GRXCR1: variants seen among roughly 807,000 people sequenced by gnomAD.
GRXCR1 encodes glutaredoxin and cysteine rich domain containing 1.
Under a neutral mutation model 27.3 loss-of-function variants are expected in GRXCR1, and 27 were observed. The ratio of observed to expected loss-of-function variants is 0.99; its 90% CI spans 0.73 to 1.37. GRXCR1 has a LOEUF of 1.37. GRXCR1 is among the 40% of genes most tolerant of loss of function. The probability of loss-of-function intolerance (pLI) is 0.00; values close to 1 mark genes in which losing one functional copy is unlikely to be tolerated. For missense variants in GRXCR1, 379 were observed against 354.4 expected (o/e 1.07, Z -0.56); for synonymous variants, 122 against 131.1 (o/e 0.93, Z 0.47).
intron 1 of GRXCR1, among the ~76,000 whole-genome samples, chr4:42,952,321 A>G (rs1747903030): frequency 6.6e-6 from 1 of 152,096 alleles, no homozygotes; most frequent in Non-Finnish European, 1.5e-5. Flanking sequence ...AGTGAGACCA[A>G]TTCTCCAAAG....
chr4:43,019,379 A>G (rs1026435798), intron 2 of GRXCR1, among the ~76,000 whole-genome samples: 2 of 152,208 alleles, frequency 1.3e-5, no homozygotes, highest in Non-Finnish European at 2.9e-5. Flanking sequence ...CACCCTGCTT[A>G]GCACAAGTAG....
chr4:42,932,599 T>G (rs1260300240), intron 1 of GRXCR1, among the ~76,000 whole-genome samples: 2 of 57,730 alleles, frequency 3.5e-5, no homozygotes, highest in East Asian at 1.1e-3. Context: ...TATATATATA[T>G]ATATATATAT....
At chr4:43,003,862 A>C (rs569890872) in intron 2 of GRXCR1, among the ~76,000 whole-genome samples, 6 of 152,378 alleles carry the variant, frequency 3.9e-5, no homozygotes, top group Non-Finnish European at 7.3e-5. Context: ...CAGCCTGACC[A>C]TGTGGTAGAA....
At chr4:42,980,476 A>T (rs1748633376) in intron 2 of GRXCR1, among the ~76,000 whole-genome samples, 1 of 151,668 alleles carries the variant, frequency 6.6e-6, no homozygotes, top group Admixed American at 6.6e-5. Flanking sequence ...TTGGTTTCTA[A>T]TTTTATATCA....
chr4:42,918,186 T>C (rs1746927758), intron 1 of GRXCR1, among the ~76,000 whole-genome samples: 2 of 152,068 alleles, frequency 1.3e-5, no homozygotes, highest in Admixed American at 6.6e-5. Flanking sequence ...TGGCACCTCA[T>C]CTAGAGGGGA....
At chr4:42,970,962 C>T (rs1028367285) in intron 2 of GRXCR1, among the ~76,000 whole-genome samples, 1 of 152,116 alleles carries the variant, frequency 6.6e-6, no homozygotes. Flanking sequence ...TGTATGCTTT[C>T]AGAAACAGCT....
At chr4:42,997,043 G>T (rs1172012347) in intron 2 of GRXCR1, among the ~76,000 whole-genome samples, 1 of 151,968 alleles carries the variant, frequency 6.6e-6, no homozygotes, top group Non-Finnish European at 1.5e-5. Context: ...TTAGTTGGTA[G>T]CCATTTTGAC....
At chr4:42,907,172 T>C (rs1746615452) in intron 1 of GRXCR1, among the ~76,000 whole-genome samples, 1 of 152,188 alleles carries the variant, frequency 6.6e-6, no homozygotes, top group Non-Finnish European at 1.5e-5. Flanking sequence ...AGCATGTATT[T>C]GGCCTCACCT....
intron 2 of GRXCR1, among the ~76,000 whole-genome samples, chr4:42,978,209 A>T (rs900445784): frequency 2.9e-4 from 44 of 152,060 alleles, no homozygotes; most frequent in African/African-American, 1.1e-3. Flanking sequence ...TGGCTACTAT[A>T]GCTTTGTAGC....
intron 2 of GRXCR1, among the ~76,000 whole-genome samples, chr4:42,998,229 C>A (rs910450773): frequency 5.3e-5 from 8 of 152,182 alleles, no homozygotes; most frequent in Non-Finnish European, 1.0e-4. Context: ...TATCACTTAA[C>A]TCTGCTCTGT....
rs1295117266 is a variant in GRXCR1, at chr4:42,985,681, A to G, written c.627+22547A>G. 3.9e-5 allele frequency among the ~76,000 whole-genome samples: 6 copies of G among 152,112 alleles called. No individual in the cohort carries two copies. In the East Asian group the frequency reaches 1.2e-3, roughly 29 times the overall value. On this transcript the variant is annotated intron_variant, in intron 2 of 3. Transcript: ENST00000399770. Reference sequence around the variant, plus strand: ...ATAGAAGAAATCATTTGTGATGTACATTTTTTAGAGTGCGATTAAAAGAAT... The same window carrying G: ...ATAGAAGAAATCATTTGTGATGTACGTTTTTTAGAGTGCGATTAAAAGAAT...
At chr4:42,925,311 G>T (rs976600909) in intron 1 of GRXCR1, among the ~76,000 whole-genome samples, 2 of 152,012 alleles carry the variant, frequency 1.3e-5, no homozygotes, top group African/African-American at 4.8e-5. Flanking sequence ...ATTGCCAATG[G>T]AAGTAGGATG....
chr4:42,905,534 G>GT (rs1198142845), intron 1 of GRXCR1, among the ~76,000 whole-genome samples: 2 of 152,272 alleles, frequency 1.3e-5, no homozygotes, highest in African/African-American at 2.4e-5. Context: ...CTGTTGCTGA[G>GT]TTTTTTTCGT....
chr4:42,893,919 C>A (rs1746292707), intron 1 of GRXCR1, among the ~76,000 whole-genome samples: 1 of 152,094 alleles, frequency 6.6e-6, no homozygotes, highest in African/African-American at 2.4e-5. Flanking sequence ...TATAACCTGT[C>A]TACTTCTTTG....
intron 1 of GRXCR1, among the ~76,000 whole-genome samples, chr4:42,949,924 C>T (rs910213472): frequency 6.6e-6 from 1 of 152,166 alleles, no homozygotes; most frequent in Non-Finnish European, 1.5e-5. Flanking sequence ...GAAATAACTT[C>T]TCTTCATCAC....
intron 2 of GRXCR1, among the ~76,000 whole-genome samples, chr4:42,979,040 C>T (rs1748589290): frequency 6.6e-6 from 1 of 151,954 alleles, no homozygotes; most frequent in African/African-American, 2.4e-5. Flanking sequence ...TTCCTGAGGC[C>T]TCCCTAGCCA....
chr4:42,932,273 C>T (rs1033860961), intron 1 of GRXCR1, among the ~76,000 whole-genome samples: 7 of 151,708 alleles, frequency 4.6e-5, no homozygotes, highest in Non-Finnish European at 8.8e-5. Context: ...CAGGCCTGTG[C>T]GGATTCCTTC....
At chr4:42,948,905 G>A (rs1267782423) in intron 1 of GRXCR1, among the ~76,000 whole-genome samples, 1 of 152,166 alleles carries the variant, frequency 6.6e-6, no homozygotes, top group South Asian at 2.1e-4. Context: ...GTATGAGTCT[G>A]CTGACACCTT....
In GRXCR1 at chr4:42,893,046, G is replaced by C. The variant is rs111263137; in HGVS notation, c.-221G>C. 1.3e-3 allele frequency among the ~76,000 whole-genome samples: 200 copies of C among 152,128 alleles called. 1 individual carries two copies. Among genetic ancestry groups the C allele is most frequent in the African/African-American group, 4.5e-3 (187 of 41,498 alleles). Reference sequence around the variant, plus strand: ...TATTTAAAGGCTGAGATCATTTTGCGGGTTTTAGTTTAAAGGTAACCATAG... The same window carrying C: ...TATTTAAAGGCTGAGATCATTTTGCCGGTTTTAGTTTAAAGGTAACCATAG... On this transcript the variant is annotated 5_prime_UTR_variant, in exon 1 of 4. Coordinates refer to ENST00000399770, the MANE Select transcript of GRXCR1 (RefSeq NM_001080476.3).
Sources: allele counts gnomAD v4.1 joint callset (sites outside exome capture counted in the v4.1 genomes callset), GRCh38; gene constraint gnomAD v4.1.1; transcripts MANE v1.5; gene names NCBI Gene and HGNC (gene_info 2026-07-23, HGNC 2026-07-21).